The following KCTD8 variants were observed in gnomAD, a reference collection of about 807,000 sequenced individuals.
The protein encoded by KCTD8 is BTB/POZ domain-containing protein KCTD8.
Under a neutral mutation model 31.5 loss-of-function variants are expected in KCTD8, and 27 were observed. The observed-to-expected ratio is 0.86, with a 90% CI of 0.63 to 1.18. The LOEUF (loss-of-function observed/expected upper bound fraction) is 1.18. Ranked by LOEUF, KCTD8 falls within the 50% of genes most tolerant of loss-of-function variation. KCTD8 has a pLI of 0.00. For synonymous variants in KCTD8, 290 were observed against 280.0 expected, an observed-to-expected ratio of 1.04 and a Z score of -0.36; for missense variants, 658 against 647.7, an observed-to-expected ratio of 1.02 and a Z score of -0.17.
At chr4:44,410,023 A>G in intron 1 of KCTD8, among the ~76,000 whole-genome samples, 1 of 152,204 alleles carries the variant, frequency 6.6e-6, no homozygotes, top group East Asian at 1.9e-4. Flanking sequence ...GACTAGTATC[A>G]TTAATGAGGA....
intron 1 of KCTD8, among the ~76,000 whole-genome samples, chr4:44,324,044 T>TAAAAA (rs34203587): frequency 4.3e-5 from 5 of 117,142 alleles, no homozygotes; most frequent in African/African-American, 7.2e-5. Flanking sequence ...AAAGTATAAT[T>TAAAAA]AAAAAAAAAA....
In KCTD8 at chr4:44,249,220, A is replaced by T. The variant is rs561263116; in HGVS notation, c.962-73970T>A. ...CATTATTTCTTATGAACAAAGAAAT[A>T]TAGGTTAATGAATTTTTTCTCATGA... is the stretch of plus-strand genomic sequence containing the variant. On this transcript the variant is annotated intron_variant, in intron 1 of 1. Coordinates refer to ENST00000360029, the MANE Select transcript of KCTD8 (RefSeq NM_198353.3). Among the ~76,000 whole-genome samples, 3 of 151,820 alleles carry T rather than the reference A, an allele frequency of 2.0e-5. No individual in the cohort carries two copies. The South Asian group carries it at 6.2e-4, about 31-fold the overall frequency.
intron 1 of KCTD8, among the ~76,000 whole-genome samples, chr4:44,337,200 C>T (rs1490830883): frequency 6.6e-6 from 1 of 151,988 alleles, no homozygotes; most frequent in Non-Finnish European, 1.5e-5. Context: ...TGTTGGCCAG[C>T]GTTCAGTAAA....
intron 1 of KCTD8, among the ~76,000 whole-genome samples, chr4:44,393,966 T>C (rs926869339): frequency 2.6e-5 from 4 of 151,996 alleles, no homozygotes; most frequent in Admixed American, 1.3e-4. Flanking sequence ...ACTTCAAATT[T>C]GATAATCTAT....
chr4:44,256,102 A>G (rs915898676), intron 1 of KCTD8, among the ~76,000 whole-genome samples: 15 of 151,978 alleles, frequency 9.9e-5, no homozygotes, highest in African/African-American at 2.9e-4. Flanking sequence ...ACTGCACATC[A>G]GATCTTGTGA....
chr4:44,316,762 A>AACAC (rs1407968171), intron 1 of KCTD8, among the ~76,000 whole-genome samples: 2 of 143,210 alleles, frequency 1.4e-5, no homozygotes, highest in Non-Finnish European at 3.0e-5. Context: ...CATCCTGGCT[A>AACAC]ACACAGTGAA....
At chr4:44,414,581 A>G (rs527597795) in intron 1 of KCTD8, among the ~76,000 whole-genome samples, 10 of 152,180 alleles carry the variant, frequency 6.6e-5, no homozygotes, top group Non-Finnish European at 1.3e-4. Flanking sequence ...AATTACTGTC[A>G]TGGCCAGTCT....
chr4:44,317,676 T>C (rs1718177154), intron 1 of KCTD8, among the ~76,000 whole-genome samples: 1 of 152,212 alleles, frequency 6.6e-6, no homozygotes, highest in African/African-American at 2.4e-5. Context: ...GAATTACTTA[T>C]ATCCTACAGC....
chr4:44,221,473 T>A (rs1320776716), intron 1 of KCTD8, among the ~76,000 whole-genome samples: 1 of 151,738 alleles, frequency 6.6e-6, no homozygotes, highest in African/African-American at 2.4e-5. Context: ...TATTAAGGAG[T>A]ACTGACTCAC....
At chr4:44,288,763 A>G (rs1717175571) in intron 1 of KCTD8, among the ~76,000 whole-genome samples, 1 of 151,982 alleles carries the variant, frequency 6.6e-6, no homozygotes. Flanking sequence ...AAAGTATCCC[A>G]TTTTCAAAAT....
At chr4:44,201,204 A>C (rs770943962) in intron 1 of KCTD8, among the ~76,000 whole-genome samples, 12 of 152,280 alleles carry the variant, frequency 7.9e-5, no homozygotes, top group Non-Finnish European at 1.2e-4. Context: ...GGATTTGAAG[A>C]AACAATATTG....
intron 1 of KCTD8, among the ~76,000 whole-genome samples, chr4:44,291,860 C>T (rs1019709405): frequency 1.4e-5 from 2 of 144,306 alleles, no homozygotes; most frequent in African/African-American, 5.1e-5. Context: ...CAGTGGCCAA[C>T]AAATGTATGA....
chr4:44,381,101 A>T (rs1720052021), intron 1 of KCTD8, among the ~76,000 whole-genome samples: 1 of 152,044 alleles, frequency 6.6e-6, no homozygotes, highest in Non-Finnish European at 1.5e-5. Context: ...TTATATGGAA[A>T]TTCTTAATAT....
At chr4:44,376,886 C>T (rs572069087) in intron 1 of KCTD8, among the ~76,000 whole-genome samples, 60 of 152,092 alleles carry the variant, frequency 3.9e-4, no homozygotes, top group African/African-American at 1.3e-3. Context: ...AAGCAGCAAG[C>T]GGCATGGAAA....
chr4:44,241,258 G>T (rs191167757), intron 1 of KCTD8, among the ~76,000 whole-genome samples: 1 of 152,246 alleles, frequency 6.6e-6, no homozygotes, highest in Admixed American at 6.5e-5. Context: ...TTGAAAAAGA[G>T]ATTTATCTTG....
At chr4:44,311,603 G>A (rs929548502) in intron 1 of KCTD8, among the ~76,000 whole-genome samples, 4 of 151,976 alleles carry the variant, frequency 2.6e-5, no homozygotes, top group Admixed American at 6.6e-5. Context: ...TTACAATGTT[G>A]AAAACCAAGT....
chr4:44,180,577 A>G (rs1221668620), intron 1 of KCTD8, among the ~76,000 whole-genome samples: 2 of 136,898 alleles, frequency 1.5e-5, no homozygotes, highest in East Asian at 4.2e-4. Flanking sequence ...AACAGTCAGT[A>G]TACATACATG....
intron 1 of KCTD8, among the ~76,000 whole-genome samples, chr4:44,335,369 T>A (rs537045114): frequency 1.3e-3 from 198 of 152,224 alleles, no homozygotes; most frequent in South Asian, 0.011. Context: ...GAAAAATACC[T>A]TCTTTTACAT....
intron 1 of KCTD8, among the ~76,000 whole-genome samples, chr4:44,212,635 TA>T (rs995877227): frequency 2.4e-4 from 37 of 151,616 alleles, no homozygotes; most frequent in African/African-American, 7.3e-4. Context: ...AACTTTAAAT[TA>T]AAAAAAAATT....
Sources: gnomAD v4.1 joint callset for allele counts (sites outside exome capture counted in the v4.1 genomes callset) on GRCh38, gnomAD v4.1.1 for gene constraint, MANE v1.5 for transcripts, NCBI Gene and HGNC (gene_info 2026-07-23, HGNC 2026-07-21) for gene names.